TRAF3: variants seen among roughly 807,000 people sequenced by gnomAD.
The protein encoded by TRAF3 is TNF receptor associated factor 3, also known as TNF receptor-associated factor 3.
TRAF3 carries 13 observed loss-of-function variants against 62.3 expected under a neutral mutation model. The ratio of observed to expected loss-of-function variants is 0.21; its 90% CI spans 0.14 to 0.33. TRAF3 has a LOEUF of 0.33. Among genes scored for constraint, TRAF3 ranks in the 10% least tolerant of loss-of-function variants. The pLI, the probability that TRAF3 is intolerant of heterozygous loss-of-function variation, is 1.00. For synonymous variants in TRAF3, 269 were observed against 283.4 expected (o/e 0.95, Z 0.51); for missense variants, 440 against 741.8 (o/e 0.59, Z 4.73).
At chr14:102,802,811 G>A (rs1225979286) in intron 1 of TRAF3, among the ~76,000 whole-genome samples, 5 of 152,130 alleles carry the variant, frequency 3.3e-5, no homozygotes, top group Admixed American at 6.5e-5. Flanking sequence ...CTGGGCAACC[G>A]AGCAAGACTC....
intron 9 of TRAF3, among the ~76,000 whole-genome samples, chr14:102,893,171 T>TCGGGA (rs1398047458): frequency 6.6e-6 from 1 of 150,980 alleles, no homozygotes; most frequent in Admixed American, 6.6e-5. Context: ...GAGGCTGAGG[T>TCGGGA]CGGGAGTTCA....
At chr14:102,834,960 A>G (rs1885905423) in intron 2 of TRAF3, among the ~76,000 whole-genome samples, 1 of 150,806 alleles carries the variant, frequency 6.6e-6, no homozygotes, top group Non-Finnish European at 1.5e-5. Context: ...GAGTAAACAT[A>G]CATCTTACAG....
chr14:102,796,377 A>G (rs1303884956), intron 1 of TRAF3, among the ~76,000 whole-genome samples: 2 of 152,182 alleles, frequency 1.3e-5, no homozygotes, highest in African/African-American at 2.4e-5. Context: ...AGTATCCTCT[A>G]CGATATACCG....
chr14:102,823,720 C>T (rs563699214), intron 1 of TRAF3, among the ~76,000 whole-genome samples: 43 of 152,202 alleles, frequency 2.8e-4, no homozygotes, highest in South Asian at 8.3e-4. Context: ...TGATTGTGTC[C>T]GCTTTTAAAA....
In TRAF3 at chr14:102,844,649, A is replaced by C. The variant is rs974835179; in HGVS notation, c.-18+14177A>C. Among the ~76,000 whole-genome samples the C allele has an allele frequency of 7.2e-5, 11 of 152,326 alleles. No individual in the cohort carries two copies. In the South Asian group the frequency reaches 2.1e-3, roughly 29 times the overall value. ...GCAGGAACCATGGGGAAGGTGAACA[A>C]ATATTTGGCTACAAAATTAAATCTC... On this transcript the variant is annotated intron_variant, in intron 2 of 11. Transcript: ENST00000392745.
At chr14:102,806,327 T>C (rs748904943) in intron 1 of TRAF3, among the ~76,000 whole-genome samples, 23 of 152,164 alleles carry the variant, frequency 1.5e-4, no homozygotes, top group Non-Finnish European at 2.6e-4. Context: ...TCAGTCTCTT[T>C]AGTCATTAAA....
At chr14:102,784,074 G>A (rs1315912009) in intron 1 of TRAF3, among the ~76,000 whole-genome samples, 4 of 152,140 alleles carry the variant, frequency 2.6e-5, no homozygotes, top group Non-Finnish European at 5.9e-5. Context: ...TATTTTATGT[G>A]GGAGGCAGCT....
At chr14:102,824,747 A>G (rs535568645) in intron 1 of TRAF3, among the ~76,000 whole-genome samples, 1 of 152,336 alleles carries the variant, frequency 6.6e-6, no homozygotes, top group Non-Finnish European at 1.5e-5. Flanking sequence ...CATTACTACT[A>G]TTTAATAAAG....
intron 2 of TRAF3, among the ~76,000 whole-genome samples, chr14:102,857,870 A>G (rs191491095): frequency 1.7e-4 from 26 of 152,372 alleles, no homozygotes; most frequent in Admixed American, 1.4e-3. Flanking sequence ...CCATAAGTTA[A>G]TACTCACAAA....
At chr14:102,801,100 A>G (rs1898383157) in intron 1 of TRAF3, among the ~76,000 whole-genome samples, 2 of 152,190 alleles carry the variant, frequency 1.3e-5, no homozygotes, top group Admixed American at 1.3e-4. Flanking sequence ...CGGAAGGCGG[A>G]GCTTGCAGTG....
chr14:102,795,047 G>C (rs1897996945), intron 1 of TRAF3, among the ~76,000 whole-genome samples: 1 of 152,064 alleles, frequency 6.6e-6, no homozygotes, highest in Non-Finnish European at 1.5e-5. Context: ...ATATAAGTAA[G>C]CCTATATATC....
intron 1 of TRAF3, among the ~76,000 whole-genome samples, chr14:102,825,678 G>A (rs528557114): frequency 2.6e-5 from 4 of 152,376 alleles, no homozygotes; most frequent in East Asian, 3.9e-4. Context: ...TCATCCTGCA[G>A]CGCTGCCACC....
At chr14:102,779,942 C>T (rs1333916989) in intron 1 of TRAF3, among the ~76,000 whole-genome samples, 1 of 152,208 alleles carries the variant, frequency 6.6e-6, no homozygotes, top group Non-Finnish European at 1.5e-5. Context: ...GTGGCCAAGG[C>T]CCTTAGGGTC....
At chr14:102,879,654 G>GC in intron 6 of TRAF3, among the ~76,000 whole-genome samples, 1 of 147,626 alleles carries the variant, frequency 6.8e-6, no homozygotes, top group South Asian at 2.4e-4. Context: ...AAAAGTAATT[G>GC]CGTTTTTTGC....
chr14:102,816,103 C>CT (rs1899501068), intron 1 of TRAF3, among the ~76,000 whole-genome samples: 1 of 150,916 alleles, frequency 6.6e-6, no homozygotes, highest in African/African-American at 2.5e-5. Context: ...ACTCTAAATT[C>CT]TATTTTTTTT....
chr14:102,880,886 T>C (rs1271223426), intron 6 of TRAF3, among the ~76,000 whole-genome samples: 2 of 152,110 alleles, frequency 1.3e-5, no homozygotes, highest in African/African-American at 2.4e-5. Flanking sequence ...GAGACCAGCC[T>C]GACGAAAATG....
At chr14:102,845,113 G>A (rs1886616550) in intron 2 of TRAF3, among the ~76,000 whole-genome samples, 1 of 151,952 alleles carries the variant, frequency 6.6e-6, no homozygotes, top group Non-Finnish European at 1.5e-5. Context: ...AACTAGGATG[G>A]ACTTAATCTC....
chr14:102,889,720 C>G (rs1644962119), intron 8 of TRAF3, 86 bp downstream of exon 8: 1 of 1,476,598 alleles, frequency 6.8e-7, no homozygotes, highest in South Asian at 1.1e-5. Context: ...CATGCAAGCT[C>G]TGGACTCCTT....
chr14:102,873,754 A>T lies in TRAF3; in HGVS notation c.297+1786A>T, dbSNP rs376416804. Reference sequence around the variant, plus strand: ...TCTGTTGACTTTAGTATCTCAAGTCATGACCTTCTTTTTTTTTTAGTCATG... The same window carrying T: ...TCTGTTGACTTTAGTATCTCAAGTCTTGACCTTCTTTTTTTTTTAGTCATG... On this transcript the variant is annotated intron_variant, in intron 4 of 11. Coordinates refer to ENST00000392745, the MANE Select transcript of TRAF3 (RefSeq NM_145725.3). Among the ~76,000 whole-genome samples, 16 of 144,316 alleles carry T rather than the reference A, an allele frequency of 1.1e-4. 1 individual carries two copies. The highest frequency in any genetic ancestry group is 4.2e-4 in the African/African-American group (16 of 37,938). The allele number at this position is 144,316 out of a possible 152,430, so 94.7% of individuals were successfully genotyped here.
Sources: gnomAD v4.1 joint callset for allele counts (sites outside exome capture counted in the v4.1 genomes callset) on GRCh38, gnomAD v4.1.1 for gene constraint, MANE v1.5 for transcripts, NCBI Gene and HGNC (gene_info 2026-07-23, HGNC 2026-07-21) for gene names.